The following FBXW4 variants were observed in gnomAD, a reference collection of about 807,000 sequenced individuals.
FBXW4 encodes the protein F-box and WD repeat domain containing 4, also known as F-box/WD repeat-containing protein 4.
FBXW4 carries 40 observed loss-of-function variants against 61.8 expected under a neutral mutation model. That is an observed-to-expected ratio of 0.65 (90% CI 0.50 to 0.84). The LOEUF (loss-of-function observed/expected upper bound fraction) is 0.84. FBXW4 is among the 40% of genes least tolerant of loss of function. The probability of loss-of-function intolerance (pLI) is 0.00; values close to 1 mark genes in which losing one functional copy is unlikely to be tolerated. For missense variants in FBXW4, 672 were observed against 753.8 expected (o/e 0.89, Z 1.27); for synonymous variants, 311 against 313.8 (o/e 0.99, Z 0.10).
At chr10:101,648,828 T>C (rs921867635) in intron 5 of FBXW4, among the ~76,000 whole-genome samples, 3 of 152,236 alleles carry the variant, frequency 2.0e-5, no homozygotes, top group African/African-American at 7.2e-5. Flanking sequence ...GTATTGTTCC[T>C]GTCATTCCCA....
intron 5 of FBXW4, among the ~76,000 whole-genome samples, chr10:101,640,484 CTTT>C (rs386372272): frequency 3.9e-3 from 330 of 83,858 alleles, no homozygotes; most frequent in Middle Eastern, 9.3e-3. Context: ...CTTTCTTTCT[CTTT>C]TTTTTTTTTT....
At chr10:101,644,716 A>C (rs1022035919) in intron 5 of FBXW4, among the ~76,000 whole-genome samples, 3 of 152,060 alleles carry the variant, frequency 2.0e-5, no homozygotes, top group African/African-American at 7.2e-5. Flanking sequence ...AAAACCAGGC[A>C]CTCTCCAATG....
chr10:101,633,546 T>C (rs1282029676), intron 5 of FBXW4, among the ~76,000 whole-genome samples: 1 of 152,110 alleles, frequency 6.6e-6, no homozygotes, highest in Non-Finnish European at 1.5e-5. Context: ...TGTACACCTA[T>C]GTAACAAACC....
intron 5 of FBXW4, among the ~76,000 whole-genome samples, chr10:101,640,961 G>T (rs2064047401): frequency 6.6e-6 from 1 of 151,946 alleles, no homozygotes; most frequent in Admixed American, 6.6e-5. Context: ...CTCCCGAGTA[G>T]CTGGGATTAC....
At chr10:101,618,822 C>T (rs1417164716) in intron 6 of FBXW4, among the ~76,000 whole-genome samples, 2 of 152,110 alleles carry the variant, frequency 1.3e-5, no homozygotes, top group East Asian at 3.9e-4. Flanking sequence ...TGCCCACAGG[C>T]TATCAGGGGC....
At chr10:101,634,202 A>C (rs1465489390) in intron 5 of FBXW4, among the ~76,000 whole-genome samples, 4 of 138,764 alleles carry the variant, frequency 2.9e-5, no homozygotes, top group African/African-American at 7.4e-5. Flanking sequence ...TAAATCTAAC[A>C]AAAAAAACAA....
chr10:101,686,056 CA>C (rs1027723902), intron 1 of FBXW4, among the ~76,000 whole-genome samples: 2 of 151,148 alleles, frequency 1.3e-5, no homozygotes, highest in Admixed American at 1.3e-4. Context: ...AATGTCTAAA[CA>C]GTTTCAGAAG....
At chr10:101,678,516 C>G (rs1254258111) in intron 1 of FBXW4, among the ~76,000 whole-genome samples, 1 of 152,244 alleles carries the variant, frequency 6.6e-6, no homozygotes, top group Non-Finnish European at 1.5e-5. Flanking sequence ...AGCTCCGCCT[C>G]TCGGGTTCAC....
intron 1 of FBXW4, among the ~76,000 whole-genome samples, chr10:101,678,481 A>G (rs1005636775): frequency 6.6e-6 from 1 of 152,220 alleles, no homozygotes; most frequent in Admixed American, 6.5e-5. Context: ...GCTGGAGTGC[A>G]GTGGCACGAT....
At position 101,657,541 on chromosome 10, in the gene FBXW4, A is replaced by G. The variant is rs1443889947; in HGVS notation, c.1235+10345T>C. ...ACCAGCTACTTGGGGGGCTGAGGCA[A>G]GAGAATCACTTGAACCGGGGAGGTG... is the stretch of plus-strand genomic sequence containing the variant. On this transcript the variant is annotated intron_variant, in intron 5 of 8. Transcript: ENST00000331272. Among the ~76,000 whole-genome samples, 4 of 150,000 alleles carry G rather than the reference A, an allele frequency of 2.7e-5. No individual in the cohort carries two copies. In the Admixed American group the frequency reaches 2.7e-4, roughly 10 times the overall value.
At position 101,630,918 on chromosome 10, in the gene FBXW4, A is replaced by G. The variant is rs112539111; in HGVS notation, c.1236-6108T>C. ...ATGCCCTCTAGAGCGCAGCTCCAGA[A>G]GCTGCTCGAGTCACATCTGTGATGA... On this transcript the variant is annotated intron_variant, in intron 5 of 8. Coordinates refer to ENST00000331272, the MANE Select transcript of FBXW4 (RefSeq NM_022039.4). 9.4e-4 allele frequency among the ~76,000 whole-genome samples: 143 copies of G among 152,330 alleles called. 2 individuals are homozygous for G. The highest frequency in any genetic ancestry group is 3.3e-3 in the African/African-American group (139 of 41,580).
At chr10:101,633,835 G>C (rs1026874135) in intron 5 of FBXW4, among the ~76,000 whole-genome samples, 2 of 152,152 alleles carry the variant, frequency 1.3e-5, no homozygotes, top group African/African-American at 4.8e-5. Flanking sequence ...TCCAGGCTGG[G>C]CGTGGTGGCT....
At chr10:101,645,971 A>G (rs2064092392) in intron 5 of FBXW4, among the ~76,000 whole-genome samples, 1 of 152,154 alleles carries the variant, frequency 6.6e-6, no homozygotes, top group African/African-American at 2.4e-5. Flanking sequence ...ACTGAGGATG[A>G]TGATGGTACC....
intron 6 of FBXW4, among the ~76,000 whole-genome samples, chr10:101,615,290 A>G (rs2063817803): frequency 6.6e-6 from 1 of 152,054 alleles, no homozygotes; most frequent in African/African-American, 2.4e-5. Flanking sequence ...GCCTGTCACT[A>G]TAGAGGGCCA....
chr10:101,646,718 C>T (rs756091988), intron 5 of FBXW4, among the ~76,000 whole-genome samples: 68 of 152,176 alleles, frequency 4.5e-4, no homozygotes, highest in Admixed American at 7.9e-4. Flanking sequence ...GAGCACTTTT[C>T]ACTACCCAGC....
chr10:101,612,414 C>T lies in FBXW4; in HGVS notation c.1365G>A (p.Met455Ile), dbSNP rs371025846. The T allele has an allele frequency of 6.3e-7, 1 of 1,599,892 alleles. No individual in the cohort carries two copies. The highest frequency in any genetic ancestry group is 8.5e-7 in the Non-Finnish European group (1 of 1,172,858). The change falls in exon 7 of 9, where the codon ATG becomes ATA. Residue 455 changes from methionine (M) to isoleucine (I), a missense_variant. By Grantham distance (10) the Met-to-Ile change is conservative. This residue lies in a region of FBXW4 where 312 missense variants were observed against 370.1 expected (regional missense o/e 0.84). Coordinates refer to ENST00000331272, the MANE Select transcript of FBXW4 (RefSeq NM_022039.4). ...ACAGCAGTGTGAAAGGGGACTCATACATGACATCCAGCACCCCAGCCCCTG... is the reference window on the plus strand; with the variant it reads ...ACAGCAGTGTGAAAGGGGACTCATATATGACATCCAGCACCCCAGCCCCTG... ...FPPGAGVLDV[M>I]YESPFTLLSC...
At position 101,694,406 on chromosome 10, in the gene FBXW4, C is replaced by G; in HGVS notation, c.700G>C (p.Gly234Arg). 4 of 1,496,324 alleles carry G rather than the reference C, an allele frequency of 2.7e-6. No individual in the cohort carries two copies. The highest frequency in any genetic ancestry group is 2.6e-6 in the Non-Finnish European group (3 of 1,135,176). 92.7% of individuals were successfully genotyped at this position (1,496,324 alleles called of 1,614,324 possible). The change falls in exon 1 of 9, where the codon GGC becomes CGC. Residue 234 changes from glycine (G) to arginine (R), a missense_variant. By Grantham distance (125) the Gly-to-Arg change is moderately radical (BLOSUM62 -2). Coordinates refer to ENST00000331272, the MANE Select transcript of FBXW4 (RefSeq NM_022039.4). The surrounding 1 kb of genome is among the most constrained non-coding windows in gnomAD (Gnocchi z 6.0). ...RRIARASLNS[G>R]FTRLGTDLMT... The stretch of plus-strand genomic sequence containing the variant: ...AGGTCGGTGCCGAGCCGCGTGAAGC[C>G]GGAGTTGAGCGAGGCCCGGGCTATC...
Position 101,671,579 on chromosome 10 carries a change from A to G in FBXW4, c.1140+1336T>C, listed in dbSNP as rs1169569377. On this transcript the variant is annotated intron_variant, in intron 4 of 8. Transcript: ENST00000331272. ...TCAGACCACAGAGAATAGAAGAAAG[A>G]GGTGTCACTGAAAAGGAGGAACTTG... Among the ~76,000 whole-genome samples, 3 of 152,174 alleles carry G rather than the reference A, an allele frequency of 2.0e-5. No individual in the cohort carries two copies. In the East Asian group the frequency reaches 5.8e-4, roughly 29 times the overall value.
In FBXW4 at chr10:101,694,478, A is replaced by G; in HGVS notation, c.628T>C (p.Cys210Arg). 6.5e-7 allele frequency: 1 copy of G among 1,531,526 alleles called. No homozygotes were observed. Among genetic ancestry groups the G allele is most frequent in the Admixed American group, 2.0e-5 (1 of 50,458 alleles). 94.9% of individuals were successfully genotyped at this position (1,531,526 alleles called of 1,614,324 possible). A position where few individuals can be genotyped will look rare whatever the true frequency, so the allele number is the denominator to read the frequency against. Residue 210 changes from cysteine (C) to arginine (R), a missense_variant, in exon 1 of 9, where the codon TGC (cysteine) becomes CGC (arginine). By Grantham distance (180) the Cys-to-Arg change is radical (BLOSUM62 -3). Around this residue, in one of 5 missense-constraint regions of FBXW4, gnomAD observed 311 missense variants for 301.1 expected, o/e 1.03. Transcript: ENST00000331272. This position sits in a 1 kb window ranked among gnomAD's most constrained non-coding sequence, Gnocchi z 6.0. ...MRALGRLAQV[C>R]RWLRRFTSCD... ...CTGGTGAAGCGCCGCAGCCAGCGGC[A>G]CACCTGGGCCAGGCGGCCGAGGGCC...
Sources: allele counts gnomAD v4.1 joint callset (sites outside exome capture counted in the v4.1 genomes callset), GRCh38; gene constraint gnomAD v4.1.1; regional missense constraint gnomAD v4.1.1; non-coding constraint Gnocchi (gnomAD v3.1); transcripts MANE v1.5; gene names NCBI Gene and HGNC (gene_info 2026-07-23, HGNC 2026-07-21).